Variants in NOX4 observed in about 807,000 individuals in gnomAD.
The protein encoded by NOX4 is NADPH oxidase 4.
NOX4 carries 69 observed loss-of-function variants against 87.6 expected under a neutral mutation model. The ratio of observed to expected loss-of-function variants is 0.79; its 90% confidence interval spans 0.65 to 0.96. The LOEUF (loss-of-function observed/expected upper bound fraction) is 0.96, where lower values mean the gene tolerates loss of function less well. Ranked by LOEUF, NOX4 falls within the 40% of genes least tolerant of loss-of-function variation. The pLI, the probability that NOX4 is intolerant of heterozygous loss-of-function variation, is 0.00. For synonymous variants in NOX4, 275 were observed against 238.2 expected (o/e 1.15, Z -1.42); for missense variants, 680 against 681.5 (o/e 1.00, Z 0.02).
intron 8 of NOX4, among the ~76,000 whole-genome samples, chr11:89,414,955 A>G (rs900882062): frequency 6.6e-6 from 1 of 151,978 alleles, no homozygotes; most frequent in African/African-American, 2.4e-5. Flanking sequence ...GTACTTTCTA[A>G]ATGACAAATA....
At chr11:89,548,110 T>G in the NOX4 span, 11 of 152,162 alleles carry the variant, frequency 7.2e-5, no homozygotes, top group East Asian at 1.9e-3. Context: ...GTGACTGATC[T>G]AGAGAAAATG....
At chr11:89,504,061 C>T in the NOX4 span, among the ~76,000 whole-genome samples, 1 of 151,516 alleles carries the variant, frequency 6.6e-6, no homozygotes, top group Non-Finnish European at 1.5e-5. Flanking sequence ...TCTTCGTAGT[C>T]TTGAGTGCTA....
At chr11:89,524,758 G>A in the NOX4 span, among the ~76,000 whole-genome samples, 12 of 151,868 alleles carry the variant, frequency 7.9e-5, no homozygotes, top group Admixed American at 2.0e-4. Flanking sequence ...TAAATACATC[G>A]TGAAATGGTT....
the NOX4 span, among the ~76,000 whole-genome samples, chr11:89,539,979 T>C: frequency 6.6e-6 from 1 of 152,152 alleles, no homozygotes; most frequent in South Asian, 2.1e-4. Context: ...CAACTAATTA[T>C]GGAAGCAGAC....
At chr11:89,472,363 C>CT (rs1047036495) in intron 2 of NOX4, among the ~76,000 whole-genome samples, 100 of 151,668 alleles carry the variant, frequency 6.6e-4, no homozygotes, top group South Asian at 1.0e-3. Context: ...CTATAATCTG[C>CT]TTTTTTTTCC....
chr11:89,331,745 AT>A (rs1446503144), intron 17 of NOX4, among the ~76,000 whole-genome samples: 1 of 151,662 alleles, frequency 6.6e-6, no homozygotes, highest in Non-Finnish European at 1.5e-5. Flanking sequence ...ATAAATAATA[AT>A]AAAAATCATT....
At chr11:89,574,517 A>G in the NOX4 span, among the ~76,000 whole-genome samples, 3 of 152,194 alleles carry the variant, frequency 2.0e-5, no homozygotes, top group South Asian at 6.2e-4. Flanking sequence ...AATGATTCAT[A>G]TATTTTGTTT....
At chr11:89,498,119 TCA>T (rs1339363736) in exon 1 of NOX4, 1 of 152,160 alleles carries the variant, frequency 6.6e-6, no homozygotes. Flanking sequence ...CCACTCTCTC[TCA>T]GAGTAGTTAT....
intron 5 of NOX4, among the ~76,000 whole-genome samples, chr11:89,442,250 G>GA (rs969608131): frequency 2.3e-4 from 34 of 149,036 alleles, no homozygotes; most frequent in African/African-American, 4.2e-4. Flanking sequence ...CTTAGATTGG[G>GA]AAAAAAAAAC....
At chr11:89,554,881 CT>C in the NOX4 span, among the ~76,000 whole-genome samples, 1 of 151,726 alleles carries the variant, frequency 6.6e-6, no homozygotes, top group Non-Finnish European at 1.5e-5. Flanking sequence ...AAACTTTATG[CT>C]TTATTATTCA....
upstream of NOX4, among the ~76,000 whole-genome samples, chr11:89,499,922 T>C (rs910131457): frequency 2.4e-4 from 36 of 152,168 alleles, no homozygotes; most frequent in African/African-American, 8.0e-4. Flanking sequence ...CTGTGTTACA[T>C]TGAGAGAAAA....
Position 89,421,890 on chromosome 11 carries a change from T to C in NOX4, c.629+12A>G, listed in dbSNP as rs1565266998. ...CACAAATGGTTTTAAATACATACAT[T>C]TGTAAACTTACCCTGAAACATGCAA... On this transcript the variant is annotated intron_variant, in intron 8 of 17. Transcript: ENST00000263317. The C allele has an allele frequency of 6.5e-7, 1 of 1,539,666 alleles. No individual in the cohort carries two copies. Among genetic ancestry groups the C allele is most frequent in the Non-Finnish European group, 8.8e-7 (1 of 1,137,982 alleles).
At chr11:89,375,374 C>A (rs556457194) in intron 11 of NOX4, among the ~76,000 whole-genome samples, 1 of 152,078 alleles carries the variant, frequency 6.6e-6, no homozygotes, top group Non-Finnish European at 1.5e-5. Context: ...GGCACGATCT[C>A]GGCTCAATGC....
At chr11:89,447,373 C>G (rs945318989) in intron 4 of NOX4, among the ~76,000 whole-genome samples, 1 of 152,000 alleles carries the variant, frequency 6.6e-6, no homozygotes, top group African/African-American at 2.4e-5. Context: ...TTGTAGGTAA[C>G]AGCTATAGAA....
chr11:89,442,144 G>GA (rs1352710584), intron 5 of NOX4, among the ~76,000 whole-genome samples: 5 of 150,336 alleles, frequency 3.3e-5, no homozygotes, highest in African/African-American at 1.2e-4. Flanking sequence ...TAAAAAGAGA[G>GA]AAAAAAGCAT....
intron 12 of NOX4, among the ~76,000 whole-genome samples, chr11:89,357,834 G>A (rs1041692145): frequency 4.6e-5 from 7 of 151,812 alleles, no homozygotes; most frequent in African/African-American, 1.7e-4. Flanking sequence ...AACCATAAAG[G>A]ACATATGACA....
At chr11:89,518,489 C>A in the NOX4 span, among the ~76,000 whole-genome samples, 3 of 152,052 alleles carry the variant, frequency 2.0e-5, no homozygotes, top group East Asian at 5.8e-4. Context: ...GGGATTCTAT[C>A]GTAGTAATTC....
At chr11:89,451,950 C>T (rs528270457) in intron 2 of NOX4, 55 bp from the exon 3 acceptor site, 1 of 1,218,740 alleles carries the variant, frequency 8.2e-7, no homozygotes. Context: ...AAAGCCCTGT[C>T]CTGGCTCTAG....
At chr11:89,465,383 ATTGATGGG>A (rs1465671327) in intron 2 of NOX4, among the ~76,000 whole-genome samples, 1 of 152,126 alleles carries the variant, frequency 6.6e-6, no homozygotes, top group Non-Finnish European at 1.5e-5. Flanking sequence ...CCAGTCTATC[ATTGATGGG>A]CATTTGGGTT....
Sources: allele counts gnomAD v4.1 joint callset (sites outside exome capture counted in the v4.1 genomes callset), GRCh38; gene constraint gnomAD v4.1.1; transcripts MANE v1.5; gene names NCBI Gene and HGNC (gene_info 2026-07-23, HGNC 2026-07-21).